The following EXOC6B variants were observed in gnomAD, a reference collection of about 807,000 sequenced individuals.
The protein encoded by EXOC6B is SEC15 homolog B.
Under a neutral mutation model 113.5 loss-of-function variants are expected in EXOC6B, and 54 were observed. The ratio of observed to expected loss-of-function variants is 0.48; its 90% CI spans 0.38 to 0.60. The LOEUF is 0.60. Among genes scored for constraint, EXOC6B ranks in the 20% least tolerant of loss-of-function variants. EXOC6B has a pLI of 0.00. For missense variants in EXOC6B, 797 were observed against 977.5 expected (o/e 0.82, Z 2.46); for synonymous variants, 357 against 339.0 (o/e 1.05, Z -0.58).
chr2:72,301,422 T>A (rs914181301), intron 20 of EXOC6B, among the ~76,000 whole-genome samples: 7 of 152,200 alleles, frequency 4.6e-5, no homozygotes, highest in Admixed American at 4.6e-4. Flanking sequence ...AGTAGGAATG[T>A]TACCAGTTCT....
rs116812619 is a variant in EXOC6B, at chr2:72,730,430, C to T, written c.464+577G>A. On this transcript the variant is annotated intron_variant, in intron 5 of 21. Transcript: ENST00000272427. ...AAGAGGGAATTCTACAGAAGAGTCC[C>T]TTTGGACTCAAGCTATTATCTTAAC... Among the ~76,000 whole-genome samples the T allele has an allele frequency of 7.2e-3, 1,095 of 152,226 alleles. 9 individuals carry two copies. Among genetic ancestry groups the T allele is most frequent in the Middle Eastern group, 0.02 (6 of 294 alleles).
intron 20 of EXOC6B, among the ~76,000 whole-genome samples, chr2:72,211,333 A>G (rs1019081622): frequency 6.6e-6 from 1 of 152,300 alleles, no homozygotes; most frequent in Admixed American, 6.5e-5. Flanking sequence ...AATGTTCCAT[A>G]TTCTCCAATG....
At chr2:72,614,021 A>T (rs906871198) in intron 6 of EXOC6B, among the ~76,000 whole-genome samples, 2 of 152,162 alleles carry the variant, frequency 1.3e-5, no homozygotes, top group Admixed American at 6.5e-5. Flanking sequence ...TGCTTTCCAC[A>T]AACCACAAAA....
In EXOC6B at chr2:72,468,223, C is replaced by G. The variant is rs72845114; in HGVS notation, c.1801-2884G>C. On this transcript the variant is annotated intron_variant, in intron 17 of 21. Coordinates refer to ENST00000272427, the MANE Select transcript of EXOC6B (RefSeq NM_015189.3). ...ATAGCTTAAAAAAAAAATCATTGCC[C>G]AGAACAATGTTATGGAGATTTTTCC... Among the ~76,000 whole-genome samples, 211 of 151,744 alleles carry G rather than the reference C, an allele frequency of 1.4e-3. No homozygotes were observed. In the South Asian group the frequency reaches 0.015, roughly 11 times the overall value.
chr2:72,399,818 G>A (rs902949554), intron 18 of EXOC6B, among the ~76,000 whole-genome samples: 1 of 152,022 alleles, frequency 6.6e-6, no homozygotes, highest in African/African-American at 2.4e-5. Context: ...CCATGTTCAT[G>A]GACTGGAAGA....
intron 16 of EXOC6B, among the ~76,000 whole-genome samples, chr2:72,481,523 A>G (rs1458666211): frequency 6.6e-6 from 1 of 152,252 alleles, no homozygotes; most frequent in Admixed American, 6.5e-5. Context: ...ACGTTTCAAA[A>G]TTAGGCATGA....
chr2:72,539,151 C>G (rs1446528291), intron 8 of EXOC6B, among the ~76,000 whole-genome samples: 1 of 152,030 alleles, frequency 6.6e-6, no homozygotes, highest in Non-Finnish European at 1.5e-5. Flanking sequence ...CTCCAGCTGA[C>G]AAAACAGCCT....
intron 3 of EXOC6B, among the ~76,000 whole-genome samples, chr2:72,732,440 C>T (rs1354826198): frequency 6.6e-6 from 1 of 152,028 alleles, no homozygotes; most frequent in Non-Finnish European, 1.5e-5. Context: ...GGGATTAGAG[C>T]GTATAATCTC....
intron 6 of EXOC6B, among the ~76,000 whole-genome samples, chr2:72,581,560 C>T (rs1705224942): frequency 6.6e-6 from 1 of 152,108 alleles, no homozygotes; most frequent in Admixed American, 6.5e-5. Flanking sequence ...TTATTTAAAT[C>T]GAGGAAGGTG....
At chr2:72,589,258 C>T (rs1395743134) in intron 6 of EXOC6B, among the ~76,000 whole-genome samples, 1 of 151,954 alleles carries the variant, frequency 6.6e-6, no homozygotes, top group African/African-American at 2.4e-5. Flanking sequence ...ATTTATCTTA[C>T]TTCAAAAATG....
At chr2:72,411,576 G>A (rs58033567) in intron 18 of EXOC6B, among the ~76,000 whole-genome samples, 30,297 of 152,056 alleles carry the variant, frequency 0.2, 5,550 homozygotes, top group African/African-American at 0.49. Context: ...TGGTGGTGGG[G>A]AAAAAACTAG....
At chr2:72,679,947 G>A (rs1676577863) in intron 6 of EXOC6B, among the ~76,000 whole-genome samples, 1 of 152,042 alleles carries the variant, frequency 6.6e-6, no homozygotes, top group Non-Finnish European at 1.5e-5. Flanking sequence ...AAATTTGGAT[G>A]AGATTTATAG....
chr2:72,234,428 G>T (rs757199686), intron 20 of EXOC6B, among the ~76,000 whole-genome samples: 3 of 152,106 alleles, frequency 2.0e-5, no homozygotes. Context: ...ATGGATTAAA[G>T]AATTAAATGT....
rs149295473 is a variant in EXOC6B, at chr2:72,329,421, G to A, written c.2196+5526C>T. Among the ~76,000 whole-genome samples, 937 of 152,128 alleles carry A rather than the reference G, an allele frequency of 6.2e-3. 10 individuals are homozygous for A. Among genetic ancestry groups the A allele is most frequent in the Non-Finnish European group, 0.01 (681 of 67,970 alleles). Reference sequence around the variant, plus strand: ...TCCTAGTTAGGGGACAGTTTAGACTGGTTATGGTAAAATATTAAAAAATAA... The same window carrying A: ...TCCTAGTTAGGGGACAGTTTAGACTAGTTATGGTAAAATATTAAAAAATAA... On this transcript the variant is annotated intron_variant, in intron 20 of 21. Coordinates refer to ENST00000272427, the MANE Select transcript of EXOC6B (RefSeq NM_015189.3).
In EXOC6B at chr2:72,273,649, T is replaced by C. The variant is rs541425656; in HGVS notation, c.2196+61298A>G. On this transcript the variant is annotated intron_variant, in intron 20 of 21. Coordinates refer to ENST00000272427, the MANE Select transcript of EXOC6B (RefSeq NM_015189.3). ...GGGAAGAAACTTTGCTATGTCATGCTTGGGGAACAGCAACACATTTGATGT... is the reference window on the plus strand; with the variant it reads ...GGGAAGAAACTTTGCTATGTCATGCCTGGGGAACAGCAACACATTTGATGT... 1.1e-3 allele frequency among the ~76,000 whole-genome samples: 172 copies of C among 152,260 alleles called. 1 individual carries two copies. The highest frequency in any genetic ancestry group is 1.7e-3 in the Non-Finnish European group (119 of 68,014).
chr2:72,511,723 G>A (rs1700910674), intron 11 of EXOC6B, among the ~76,000 whole-genome samples: 1 of 152,036 alleles, frequency 6.6e-6, no homozygotes, highest in Non-Finnish European at 1.5e-5. Context: ...AAATAACATG[G>A]CATCTACCTA....
At chr2:72,537,972 AC>A (rs1399258360) in intron 8 of EXOC6B, among the ~76,000 whole-genome samples, 1 of 142,192 alleles carries the variant, frequency 7.0e-6, no homozygotes, top group Non-Finnish European at 1.5e-5. Flanking sequence ...AATGACTAAG[AC>A]TTTTTTTTTT....
At chr2:72,211,620 A>G (rs1216912829) in intron 20 of EXOC6B, among the ~76,000 whole-genome samples, 1 of 152,176 alleles carries the variant, frequency 6.6e-6, no homozygotes, top group Non-Finnish European at 1.5e-5. Context: ...CACATGAATC[A>G]CCATGCATAA....
At chr2:72,305,322 GTGTATATGTATATGTATA>G (rs3036342) in intron 20 of EXOC6B, among the ~76,000 whole-genome samples, 27,052 of 144,542 alleles carry the variant, frequency 0.19, 4,325 homozygotes, top group African/African-American at 0.44. Context: ...ATATGGGTGT[GTGTATATGTATATGTATA>G]TGTATATGTA....
Sources: gnomAD v4.1 joint callset for allele counts (sites outside exome capture counted in the v4.1 genomes callset) on GRCh38, gnomAD v4.1.1 for gene constraint, MANE v1.5 for transcripts, NCBI Gene and HGNC (gene_info 2026-07-23, HGNC 2026-07-21) for gene names.